KLHL18: variants seen among roughly 807,000 people sequenced by gnomAD.
The protein encoded by KLHL18 is kelch like family member 18.
Under a neutral mutation model 58.5 loss-of-function variants are expected in KLHL18, and 38 were observed. The observed-to-expected ratio is 0.65, with a 90% CI of 0.50 to 0.85. The LOEUF (loss-of-function observed/expected upper bound fraction) is 0.85. KLHL18 is among the 40% of genes least tolerant of loss of function. The probability of loss-of-function intolerance (pLI) is 0.00; values close to 1 mark genes in which losing one functional copy is unlikely to be tolerated. For synonymous variants in KLHL18, 303 were observed against 301.9 expected, an observed-to-expected ratio of 1.00 and a Z score of -0.04; for missense variants, 624 against 778.4, an observed-to-expected ratio of 0.80 and a Z score of 2.36.
At chr3:47,330,845 A>G (rs1250925459) in intron 4 of KLHL18, among the ~76,000 whole-genome samples, 1 of 151,266 alleles carries the variant, frequency 6.6e-6, no homozygotes, top group Non-Finnish European at 1.5e-5. Flanking sequence ...ATTCTCCCGC[A>G]TCAACCTCCT....
intron 8 of KLHL18, among the ~76,000 whole-genome samples, chr3:47,342,399 T>TTA (rs1704128980): frequency 6.6e-6 from 1 of 152,070 alleles, no homozygotes; most frequent in South Asian, 2.1e-4. Flanking sequence ...GCACTGAGCT[T>TTA]TATAAGTACA....
chr3:47,288,543 G>T (rs895769695), intron 1 of KLHL18, among the ~76,000 whole-genome samples: 1 of 152,196 alleles, frequency 6.6e-6, no homozygotes, highest in Non-Finnish European at 1.5e-5. Context: ...TAGGGAGAAC[G>T]TGAAAATAAA....
chr3:47,290,848 T>C (rs1702777641), intron 1 of KLHL18, among the ~76,000 whole-genome samples: 1 of 152,260 alleles, frequency 6.6e-6, no homozygotes, highest in Admixed American at 6.5e-5. Flanking sequence ...ACAAATTTCC[T>C]ATCAAAAATT....
At chr3:47,321,359 T>TG (rs1194146801) in intron 2 of KLHL18, among the ~76,000 whole-genome samples, 45 of 151,938 alleles carry the variant, frequency 3.0e-4, no homozygotes, top group Admixed American at 1.6e-3. Flanking sequence ...TTGTTTTTTT[T>TG]TTTTTGAGAT....
intron 1 of KLHL18, among the ~76,000 whole-genome samples, chr3:47,301,700 T>C (rs1033900250): frequency 6.6e-6 from 1 of 152,258 alleles, no homozygotes; most frequent in Non-Finnish European, 1.5e-5. Flanking sequence ...AGTGCAACTT[T>C]TGACTTCCCA....
intron 7 of KLHL18, among the ~76,000 whole-genome samples, chr3:47,340,079 C>T (rs1704075576): frequency 6.6e-6 from 1 of 152,150 alleles, no homozygotes; most frequent in Non-Finnish European, 1.5e-5. Flanking sequence ...CAGATAGATT[C>T]CTGGTAGCCT....
chr3:47,330,729 A>T (rs1028125544), intron 4 of KLHL18, among the ~76,000 whole-genome samples: 1 of 151,990 alleles, frequency 6.6e-6, no homozygotes, highest in African/African-American at 2.4e-5. Flanking sequence ...AAGCATAGAT[A>T]ATTTTTTTGT....
At chr3:47,303,480 T>G (rs1222962430) in intron 1 of KLHL18, among the ~76,000 whole-genome samples, 1 of 152,180 alleles carries the variant, frequency 6.6e-6, no homozygotes, top group African/African-American at 2.4e-5. Flanking sequence ...ACTTCCTGAC[T>G]TCAGTGACAA....
At chr3:47,322,776 C>CCCAGTTCAGTTAAGAAGG in intron 3 of KLHL18, 68 bp downstream of exon 3, 1 of 1,453,390 alleles carries the variant, frequency 6.9e-7, no homozygotes, top group Non-Finnish European at 9.1e-7. Flanking sequence ...TGCCAGTTTG[C>CCCAGTTCAGTTAAGAAGG]TGAGTTCTTG....
Position 47,283,023 on chromosome 3 carries a change from T to C in KLHL18, c.58T>C (p.Leu20=). The change falls in exon 1 of 10, where the codon TTG becomes CTG. Residue 20 remains leucine, a synonymous_variant. Transcript: ENST00000232766. The part of the protein sequence containing the change: ...EDLVHFSVSE[L]PSRGYGVMEE... The stretch of plus-strand genomic sequence containing the variant: ...TCTGGTGCACTTCTCCGTGTCTGAG[T>C]TGCCTAGTCGCGGCTACGGCGTCAT... 1 of 1,608,622 alleles carries C rather than the reference T, an allele frequency of 6.2e-7. No homozygotes were observed. Among genetic ancestry groups the C allele is most frequent in the Non-Finnish European group, 8.5e-7 (1 of 1,177,880 alleles).
chr3:47,339,379 C>G (rs914438717), intron 7 of KLHL18, among the ~76,000 whole-genome samples: 2 of 151,560 alleles, frequency 1.3e-5, no homozygotes, highest in African/African-American at 2.4e-5. Context: ...GTAGTCCCAG[C>G]TACTGGGGAG....
chr3:47,308,063 A>G (rs959708238), intron 1 of KLHL18, among the ~76,000 whole-genome samples: 1 of 152,110 alleles, frequency 6.6e-6, no homozygotes, highest in African/African-American at 2.4e-5. Context: ...CACCAGCTTC[A>G]TGGCCTTTAT....
At chr3:47,314,504 T>C (rs1007975157) in intron 1 of KLHL18, among the ~76,000 whole-genome samples, 14 of 149,010 alleles carry the variant, frequency 9.4e-5, no homozygotes, top group Non-Finnish European at 1.5e-4. Context: ...TTTTTTTTTC[T>C]TCCTTTTTGT....
chr3:47,295,081 C>T (rs1345000767), intron 1 of KLHL18, among the ~76,000 whole-genome samples: 1 of 152,060 alleles, frequency 6.6e-6, no homozygotes, highest in Non-Finnish European at 1.5e-5. Context: ...TTTAAGTAAT[C>T]ACGATATCTG....
Position 47,282,958 on chromosome 3 carries a change from C to G in KLHL18, c.-8C>G, listed in dbSNP as rs769546356. ...GCGAGGCCTGCGCAGTTGCAGCGGC[C>G]GGGGAAGATGGTGGAGGACGGCGCG... On this transcript the variant is annotated 5_prime_UTR_variant, in exon 1 of 10. Transcript: ENST00000232766. 10 of 1,608,180 alleles carry G rather than the reference C, an allele frequency of 6.2e-6. No individual in the cohort carries two copies. Among genetic ancestry groups the G allele is most frequent in the South Asian group, 2.2e-5 (2 of 89,998 alleles).
rs75659918 is a variant in KLHL18 at position 47,331,962 on chromosome 3, C to A, written c.601-1195C>A. Among the ~76,000 whole-genome samples, 156 of 152,274 alleles carry A rather than the reference C, an allele frequency of 1.0e-3. 3 individuals are homozygous for A. In the East Asian group the frequency reaches 0.028, roughly 27 times the overall value. On this transcript the variant is annotated intron_variant, in intron 4 of 9. Transcript: ENST00000232766. Reference sequence around the variant, plus strand: ...TAGCAGGAGGGAGAGCTGGGGCACACGCCCAGGGACGGGGGACAGGTAGAT... The same window carrying A: ...TAGCAGGAGGGAGAGCTGGGGCACAAGCCCAGGGACGGGGGACAGGTAGAT...
rs199685416 is a variant in KLHL18 at position 47,329,980 on chromosome 3, G to T, written c.431G>T (p.Arg144Leu). The T allele has an allele frequency of 1.2e-6, 2 of 1,613,984 alleles. No individual in the cohort carries two copies. The highest frequency in any genetic ancestry group is 1.7e-6 in the Non-Finnish European group (2 of 1,180,014). Residue 144 changes from arginine to leucine, a missense_variant, in exon 4 of 10, where the codon CGC becomes CTC. Coordinates refer to ENST00000232766, the MANE Select transcript of KLHL18 (RefSeq NM_025010.5). The part of the protein sequence containing the change: ...RLHPKNCLGV[R>L]QFAETMMCAV... ...CACCCAAAAAACTGCCTGGGTGTGC[G>T]CCAGTTTGCTGAGACAATGATGTGT...
chr3:47,309,378 G>C (rs925313542), intron 1 of KLHL18, among the ~76,000 whole-genome samples: 4 of 151,384 alleles, frequency 2.6e-5, no homozygotes, highest in Admixed American at 2.6e-4. Flanking sequence ...CTTCTCAGAC[G>C]GGGCGGCCGG....
Position 47,340,655 on chromosome 3 carries a change from C to G in KLHL18, c.1205C>G (p.Thr402Ser). ...DGNSSLSSVE[T>S]YSPETDKWTV... is the part of the protein sequence containing the mutation. ...AACTCTTCCCTCAGCTCCGTGGAGA[C>G]CTACTCACCTGAGACGGACAAGTAA... The change falls in exon 8 of 10, where the codon ACC becomes AGC. Residue 402 changes from threonine to serine, a missense_variant. Physicochemically the swap from Thr to Ser is moderately conservative, Grantham distance 58. Transcript: ENST00000232766. 18 of 1,613,952 alleles carry G rather than the reference C, an allele frequency of 1.1e-5. No homozygotes were observed. Among genetic ancestry groups the G allele is most frequent in the Non-Finnish European group, 1.5e-5 (18 of 1,179,972 alleles).
Sources: gnomAD v4.1 joint callset for allele counts (sites outside exome capture counted in the v4.1 genomes callset) on GRCh38, gnomAD v4.1.1 for gene constraint, MANE v1.5 for transcripts, NCBI Gene and HGNC (gene_info 2026-07-23, HGNC 2026-07-21) for gene names.